The following SDHC variants were observed in gnomAD, a reference collection of about 807,000 sequenced individuals.
SDHC encodes succinate dehydrogenase complex subunit C, also known as succinate dehydrogenase cytochrome b560 subunit, mitochondrial.
SDHC carries 11 observed loss-of-function variants against 22.6 expected under a neutral mutation model. The ratio of observed to expected loss-of-function variants is 0.49; its 90% CI spans 0.31 to 0.81. SDHC has a LOEUF of 0.81. Among genes scored for constraint, SDHC ranks in the 30% least tolerant of loss-of-function variants. The probability of loss-of-function intolerance (pLI) is 0.05; values close to 1 mark genes in which losing one functional copy is unlikely to be tolerated. For synonymous variants in SDHC, 80 were observed against 77.8 expected (o/e 1.03, Z -0.15); for missense variants, 160 against 212.0 (o/e 0.75, Z 1.52).
At chr1:161,340,511 A>T in intron 3 of SDHC, 83 bp from the exon 4 acceptor site, 3 of 1,132,246 alleles carry the variant, frequency 2.6e-6, no homozygotes, top group Non-Finnish European at 4.0e-6. Flanking sequence ...TTTCAGAATT[A>T]GTTTATATTT....
chr1:161,351,513 AG>A (rs1672095023), intron 4 of SDHC, among the ~76,000 whole-genome samples: 1 of 152,204 alleles, frequency 6.6e-6, no homozygotes, highest in Non-Finnish European at 1.5e-5. Context: ...TAATCAGAAT[AG>A]TTAATCTTAT....
chr1:161,357,462 C>T (rs187380107), intron 5 of SDHC, among the ~76,000 whole-genome samples: 14 of 152,230 alleles, frequency 9.2e-5, no homozygotes, highest in South Asian at 4.1e-4. Flanking sequence ...GCAGTTGGCG[C>T]GATCTTGGGT....
At chr1:161,347,488 C>T (rs923494318) in intron 4 of SDHC, among the ~76,000 whole-genome samples, 2 of 151,744 alleles carry the variant, frequency 1.3e-5, no homozygotes, top group Non-Finnish European at 2.9e-5. Context: ...AACTCCTGAC[C>T]TCGTGATCCA....
chr1:161,333,486 C>T (rs1406624674), intron 3 of SDHC, among the ~76,000 whole-genome samples: 2 of 151,228 alleles, frequency 1.3e-5, no homozygotes, highest in African/African-American at 4.9e-5. Flanking sequence ...CTCATTGCAA[C>T]CTTCACCTCC....
At chr1:161,324,182 G>T (rs892693209) in intron 2 of SDHC, among the ~76,000 whole-genome samples, 14 of 152,318 alleles carry the variant, frequency 9.2e-5, no homozygotes, top group African/African-American at 3.1e-4. Flanking sequence ...CTATTGCCCA[G>T]GCTAGAATGC....
chr1:161,338,734 C>T (rs74127641), intron 3 of SDHC, among the ~76,000 whole-genome samples: 17,823 of 152,164 alleles, frequency 0.12, 1,420 homozygotes, highest in African/African-American at 0.22. Context: ...AGGGAGGATT[C>T]AAGGATGACC....
At chr1:161,332,316 C>T (rs1228716440) in intron 3 of SDHC, among the ~76,000 whole-genome samples, 1 of 152,094 alleles carries the variant, frequency 6.6e-6, no homozygotes, top group Non-Finnish European at 1.5e-5. Flanking sequence ...TGTTTCTTTC[C>T]TTTCACATTT....
intron 1 of SDHC, among the ~76,000 whole-genome samples, chr1:161,322,295 A>G (rs776839266): frequency 7.2e-5 from 11 of 152,168 alleles, no homozygotes; most frequent in Admixed American, 5.9e-4. Flanking sequence ...GGCACATCTT[A>G]GTTTTTGACT....
intron 5 of SDHC, among the ~76,000 whole-genome samples, chr1:161,357,634 T>G (rs1672335018): frequency 6.6e-6 from 1 of 151,862 alleles, no homozygotes; most frequent in Admixed American, 6.6e-5. Flanking sequence ...CTCCTGACCT[T>G]GTGATCCACC....
intron 3 of SDHC, among the ~76,000 whole-genome samples, chr1:161,330,996 CAAAAAAAA>C (rs61295520): frequency 4.9e-5 from 5 of 102,240 alleles, no homozygotes; most frequent in Admixed American, 1.2e-4. Flanking sequence ...GCTCTGTTTC[CAAAAAAAA>C]AAAAAAAAAA....
At chr1:161,348,254 G>A (rs1221589971) in intron 4 of SDHC, among the ~76,000 whole-genome samples, 2 of 151,834 alleles carry the variant, frequency 1.3e-5, no homozygotes, top group Non-Finnish European at 2.9e-5. Flanking sequence ...CTCCTCCTGG[G>A]TTCAAGCAAT....
chr1:161,339,994 T>C (rs919092912), intron 3 of SDHC, among the ~76,000 whole-genome samples: 9 of 151,938 alleles, frequency 5.9e-5, no homozygotes, highest in Admixed American at 3.3e-4. Flanking sequence ...TTTGTATTTT[T>C]AAAGTAAAAA....
chr1:161,339,662 G>GTGTTTTTTTTTTTTTT, intron 3 of SDHC: 1 of 50,070 alleles, frequency 2.0e-5, no homozygotes, highest in Non-Finnish European at 3.4e-5. Flanking sequence ...TGATACAGGT[G>GTGTTTTTTTTTTTTTT]TTTTTTTTTT....
intron 3 of SDHC, among the ~76,000 whole-genome samples, chr1:161,339,861 G>A (rs544359018): frequency 8.5e-4 from 129 of 151,702 alleles, no homozygotes; most frequent in South Asian, 4.8e-3. Flanking sequence ...TGTATTTTCA[G>A]TAGAGACGGG....
At chr1:161,353,139 C>T (rs143321223) in intron 4 of SDHC, among the ~76,000 whole-genome samples, 2 of 152,258 alleles carry the variant, frequency 1.3e-5, no homozygotes, top group Admixed American at 6.5e-5. Context: ...GCTGAAGACA[C>T]TGTTATTCAC....
At position 161,328,376 on chromosome 1, in the gene SDHC, AC is replaced by A. The variant is rs1329385051; in HGVS notation, c.78-19del. 6.4e-7 allele frequency: 1 copy of A among 1,554,954 alleles called. No individual in the cohort carries two copies. The highest frequency in any genetic ancestry group is 8.9e-7 in the Non-Finnish European group (1 of 1,126,780). On this transcript the variant is annotated intron_variant, in intron 2 of 5. Coordinates refer to ENST00000367975, the MANE Select transcript of SDHC (RefSeq NM_003001.5). ...CAAGTTTACTTTTAGTTATTTTCAA[AC>A]GGTCTGGTTTTATTTTAGTGCTGTT...
At chr1:161,327,195 C>T (rs1671088423) in intron 2 of SDHC, among the ~76,000 whole-genome samples, 1 of 152,172 alleles carries the variant, frequency 6.6e-6, no homozygotes, top group Non-Finnish European at 1.5e-5. Flanking sequence ...TCCCAAAGTG[C>T]CGGGATTATA....
Position 161,362,727 on chromosome 1 carries a change from T to C in SDHC, c.*294T>C, listed in dbSNP as rs1409280882. 5.2e-6 allele frequency: 3 copies of C among 577,732 alleles called. No individual in the cohort carries two copies. The highest frequency in any genetic ancestry group is 3.0e-5 in the Admixed American group (1 of 33,068). The allele number at this position is 577,732 out of a possible 1,614,324, so 35.8% of individuals were successfully genotyped here. On this transcript the variant is annotated 3_prime_UTR_variant, in exon 6 of 6. Coordinates refer to ENST00000367975, the MANE Select transcript of SDHC (RefSeq NM_003001.5). ...TCTCTCTCCATATTGGGCTTTGATTTGTGCTGAGGGTCAGCTTTTGGCTCC... is the reference window on the plus strand; with the variant it reads ...TCTCTCTCCATATTGGGCTTTGATTCGTGCTGAGGGTCAGCTTTTGGCTCC...
At chr1:161,345,614 G>A (rs931010616) in intron 4 of SDHC, among the ~76,000 whole-genome samples, 7 of 151,684 alleles carry the variant, frequency 4.6e-5, no homozygotes, top group Non-Finnish European at 7.4e-5. Flanking sequence ...CTGCCACCAC[G>A]CCTGGCTAAT....
Sources: allele counts gnomAD v4.1 joint callset (sites outside exome capture counted in the v4.1 genomes callset), GRCh38; gene constraint gnomAD v4.1.1; transcripts MANE v1.5; gene names NCBI Gene and HGNC (gene_info 2026-07-23, HGNC 2026-07-21).